CPT1B: variants seen among roughly 807,000 people sequenced by gnomAD.
The protein encoded by CPT1B is carnitine palmitoyltransferase 1B.
A neutral mutation model predicts 92.7 loss-of-function variants in CPT1B; 57 were observed. The ratio of observed to expected loss-of-function variants is 0.62; its 90% CI spans 0.50 to 0.77. The LOEUF is 0.77. Ranked by LOEUF, CPT1B falls within the 30% of genes least tolerant of loss-of-function variation. The pLI is 0.00. For synonymous variants in CPT1B, 398 were observed against 383.5 expected, an observed-to-expected ratio of 1.04 and a Z score of -0.44; for missense variants, 983 against 1,017.4, an observed-to-expected ratio of 0.97 and a Z score of 0.46.
At chr22:50,577,730 A>G (rs200249758) in intron 2 of CPT1B, 45 bp downstream of exon 2, 1 of 1,601,856 alleles carries the variant, frequency 6.2e-7, no homozygotes, top group African/African-American at 1.3e-5. Context: ...TTAACAGCTG[A>G]CAGCCGGCCT....
chr22:50,577,092 G>C (rs749197006), intron 3 of CPT1B, 58 bp from the exon 4 acceptor site: 101 of 1,587,072 alleles, frequency 6.4e-5, no homozygotes, highest in Non-Finnish European at 7.7e-5. Flanking sequence ...TCGGGTGGCT[G>C]TGAACTGTCT....
intron 17 of CPT1B, 24 bp from the exon 18 acceptor site, chr22:50,569,692 G>A (rs12160714): frequency 0.062 from 98,166 of 1,581,014 alleles, 3,256 homozygotes; most frequent in Non-Finnish European, 0.068. Context: ...GAAGGGTGAA[G>A]AAGGCATAAA....
In CPT1B at chr22:50,571,382, T is replaced by C. The variant is rs2070163421; in HGVS notation, c.1733A>G (p.His578Arg). The C allele has an allele frequency of 6.2e-7, 1 of 1,613,762 alleles. No individual in the cohort carries two copies. The change falls in exon 14 of 20, where the codon CAC (histidine) becomes CGC (arginine). Residue 578 changes from histidine to arginine, a missense_variant. Transcript: ENST00000312108. ...GGGAGGCGGGGCTCCTACCCGGAAG[T>C]GAGCCAGCTGCAGCGCGATCTGCAC... Reference protein sequence around the residue: ...AFVQIALQLAHFRDRGKFCLT... With the variant: ...AFVQIALQLARFRDRGKFCLT...
Position 50,577,877 on chromosome 22 carries a change from C to T in CPT1B, c.39G>A (p.Thr13=). 1 of 1,613,224 alleles carries T rather than the reference C, an allele frequency of 6.2e-7. No individual in the cohort carries two copies. Among genetic ancestry groups the T allele is most frequent in the Non-Finnish European group, 8.5e-7 (1 of 1,179,636 alleles). ...EAHQAVAFQF[T]VTPDGVDFRL... is the part of the protein sequence containing the mutation. The stretch of plus-strand genomic sequence containing the variant: ...GGAAGTCGACCCCGTCTGGGGTCAC[C>T]GTGAACTGGAAGGCCACGGCCTGGT... The change falls in exon 2 of 20, where the codon ACG becomes ACA. Residue 13 remains threonine (T), a synonymous_variant. Coordinates refer to ENST00000312108, the MANE Select transcript of CPT1B (RefSeq NM_152246.3).
At chr22:50,572,826 CCTAA>C (rs1272186640) in intron 11 of CPT1B, 45 bp downstream of exon 11, 33 of 1,568,130 alleles carry the variant, frequency 2.1e-5, no homozygotes, top group Non-Finnish European at 2.9e-5. Flanking sequence ...TAACCATAAC[CCTAA>C]CTTTTAACCT....
At chr22:50,570,240 TG>T in intron 17 of CPT1B, 52 bp downstream of exon 17, 1 of 1,377,832 alleles carries the variant, frequency 7.3e-7, no homozygotes, top group Non-Finnish European at 9.9e-7. Flanking sequence ...CACTCGCCAC[TG>T]AAACCCTCAG....
Position 50,569,097 on chromosome 22 carries a change from A to G in CPT1B, c.*3-16T>C, listed in dbSNP as rs1391671531. 2.2e-5 allele frequency: 10 copies of G among 445,828 alleles called. No individual in the cohort carries two copies. The highest frequency in any genetic ancestry group is 3.6e-5 in the Non-Finnish European group (9 of 249,476). 27.6% of individuals were successfully genotyped at this position (445,828 alleles called of 1,614,324 possible). ...TACCTAAGGGCTGAGAGAAAATTAC[A>G]CAGCCTTATTTTTATTAGTATCTAT... On this transcript the variant is annotated splice_polypyrimidine_tract_variant and intron_variant, in intron 19 of 19. Transcript: ENST00000312108.
At position 50,573,494 on chromosome 22, in the gene CPT1B, G is replaced by A; in HGVS notation, c.1166+26C>T. On this transcript the variant is annotated intron_variant, in intron 10 of 19. Coordinates refer to ENST00000312108, the MANE Select transcript of CPT1B (RefSeq NM_152246.3). This position sits in a 1 kb window ranked among gnomAD's most constrained non-coding sequence, Gnocchi z 5.0. ...CACGGAGCCCTGAACTCAGGGTGGG[G>A]ACAGTCCCTTCCTAGAGGCCAATAC... is the stretch of plus-strand genomic sequence containing the variant. 6.3e-7 allele frequency: 1 copy of A among 1,578,806 alleles called. No individual in the cohort carries two copies. Among genetic ancestry groups the A allele is most frequent in the Non-Finnish European group, 8.6e-7 (1 of 1,159,026 alleles).
chr22:50,570,404 C>T lies in CPT1B; in HGVS notation c.2031G>A (p.Val677=), dbSNP rs767532801. The T allele has an allele frequency of 4.1e-5, 65 of 1,592,534 alleles. No homozygotes were observed. Among genetic ancestry groups the T allele is most frequent in the East Asian group, 6.7e-5 (3 of 44,674 alleles). ...LGVSSPFLAE[V]LSEPWRLSTS... is the part of the protein sequence containing the mutation. ...TGGAGAGACGCCAGGGTTCCGAGAG[C>T]ACCTGCAATGGAGGCCACAGCTGGT... Residue 677 remains valine (V), a splice_region_variant and synonymous_variant, in exon 17 of 20, where the codon GTG becomes GTA. Coordinates refer to ENST00000312108, the MANE Select transcript of CPT1B (RefSeq NM_152246.3).
At chr22:50,576,668 G>T in intron 4 of CPT1B, 31 bp from the exon 5 acceptor site, 1 of 1,603,208 alleles carries the variant, frequency 6.2e-7, no homozygotes. Context: ...GCTGGGGTGG[G>T]AGCCAGTGGA....
intron 16 of CPT1B, 141 bp from the exon 17 acceptor site, chr22:50,570,547 T>C: frequency 1.5e-6 from 1 of 676,634 alleles, no homozygotes; most frequent in African/African-American, 1.8e-5. Flanking sequence ...TGGTCCCCTG[T>C]GCATCATGCC....
chr22:50,572,341 G>C, intron 11 of CPT1B, 33 bp from the exon 12 acceptor site: 1 of 1,484,006 alleles, frequency 6.7e-7, no homozygotes, highest in South Asian at 1.1e-5. Context: ...AAGAACCAAA[G>C]CTGGGAATGT....
At chr22:50,577,576 C>T (rs916813669) in intron 2 of CPT1B, 113 bp from the exon 3 acceptor site, 4 of 1,461,904 alleles carry the variant, frequency 2.7e-6, no homozygotes, top group African/African-American at 2.8e-5. Context: ...TCTCCTGATG[C>T]CCTGCTGTGC....
intron 13 of CPT1B, chr22:50,571,801 A>T: frequency 1.5e-6 from 1 of 665,100 alleles, no homozygotes; most frequent in South Asian, 1.8e-5. Flanking sequence ...CTCTAAACAC[A>T]GATGGCCCCA....
chr22:50,576,434 C>T, intron 5 of CPT1B, 99 bp from the exon 6 acceptor site: 8 of 1,604,940 alleles, frequency 5.0e-6, no homozygotes, highest in Non-Finnish European at 6.8e-6. Context: ...CCCCATTATT[C>T]TCAAGCCCTT....
rs2070451351 is a variant in CPT1B, at chr22:50,576,633, C to G, written c.464G>C (p.Cys155Ser). ...TSNLTRIWAMCIRLLSSRHPM... is the reference protein window; with the variant it reads ...TSNLTRIWAMSIRLLSSRHPM... ...GTGCCGGCTGGATAGAAGGCGGATA[C>G]ACATCTGGGGGTACAGAGCAGAGTG... Residue 155 changes from cysteine (C) to serine (S), a missense_variant, in exon 5 of 20, where the codon TGT becomes TCT. Cys to Ser is a moderately radical substitution (Grantham distance 112, BLOSUM62 -1). Coordinates refer to ENST00000312108, the MANE Select transcript of CPT1B (RefSeq NM_152246.3). 2.5e-6 allele frequency: 4 copies of G among 1,610,796 alleles called. No homozygotes were observed. Among genetic ancestry groups the G allele is most frequent in the Non-Finnish European group, 3.4e-6 (4 of 1,178,750 alleles).
chr22:50,575,495 G>A (rs114504838), intron 7 of CPT1B, among the ~76,000 whole-genome samples: 333 of 152,330 alleles, frequency 2.2e-3, no homozygotes, highest in African/African-American at 7.5e-3. Flanking sequence ...GCTTTGGACC[G>A]TGGGAAAGGA....
chr22:50,573,906 C>T lies in CPT1B; in HGVS notation c.971-191G>A, dbSNP rs1245841766. 16 of 716,296 alleles carry T rather than the reference C, an allele frequency of 2.2e-5. No homozygotes were observed. The highest frequency in any genetic ancestry group is 4.0e-5 in the Admixed American group (2 of 49,954). 44.4% of individuals were successfully genotyped at this position (716,296 alleles called of 1,614,324 possible). A position where few individuals can be genotyped will look rare whatever the true frequency, so the allele number is the denominator to read the frequency against. On this transcript the variant is annotated intron_variant, in intron 9 of 19. Coordinates refer to ENST00000312108, the MANE Select transcript of CPT1B (RefSeq NM_152246.3). This position sits in a 1 kb window ranked among gnomAD's most constrained non-coding sequence, Gnocchi z 5.0. ...TGCTGGGTGCTTCCACTCTCTCTCA[C>T]GCAACACCAACAATCCTATAAAGTA...
At chr22:50,570,266 C>T (rs748104619) in intron 17 of CPT1B, 27 bp downstream of exon 17, 10 of 1,502,004 alleles carry the variant, frequency 6.7e-6, no homozygotes, top group Non-Finnish European at 9.0e-6. Flanking sequence ...CTGGTGCTGC[C>T]CACCCACCCC....
Sources: allele counts gnomAD v4.1 joint callset (sites outside exome capture counted in the v4.1 genomes callset), GRCh38; gene constraint gnomAD v4.1.1; non-coding constraint Gnocchi (gnomAD v3.1); transcripts MANE v1.5; gene names NCBI Gene and HGNC (gene_info 2026-07-23, HGNC 2026-07-21).